HIVEP1: variants seen among roughly 807,000 people sequenced by gnomAD.
The protein encoded by HIVEP1 is HIVEP zinc finger 1.
In HIVEP1, 36 loss-of-function variants were observed where a neutral mutation model predicts 180.0. The ratio of observed to expected loss-of-function variants is 0.20; its 90% CI spans 0.15 to 0.26. The LOEUF is 0.26. HIVEP1 is among the 10% of genes least tolerant of loss of function. The pLI is 1.00. For synonymous variants in HIVEP1, 1,239 were observed against 1,239.0 expected, an observed-to-expected ratio of 1.00 and a Z score of 0.00; for missense variants, 3,143 against 3,268.7, an observed-to-expected ratio of 0.96 and a Z score of 0.94.
At chr6:12,015,310 A>G (rs749946691) in intron 1 of HIVEP1, among the ~76,000 whole-genome samples, 4 of 152,230 alleles carry the variant, frequency 2.6e-5, no homozygotes, top group Non-Finnish European at 4.4e-5. Context: ...CTTGTCTGAT[A>G]AAGATACGGT....
At chr6:12,204,792 CTTATA>C in the HIVEP1 span, among the ~76,000 whole-genome samples, 1 of 152,188 alleles carries the variant, frequency 6.6e-6, no homozygotes, top group Non-Finnish European at 1.5e-5. Context: ...TGTATTAAAA[CTTATA>C]TTATTCATGA....
At position 12,119,972 on chromosome 6, in the gene HIVEP1, G is replaced by GAA; in HGVS notation, c.183_184dup (p.Ile62LysfsTer7). 6.2e-7 allele frequency: 1 copy of GAA among 1,611,314 alleles called. No individual in the cohort carries two copies. The highest frequency in any genetic ancestry group is 8.5e-7 in the Non-Finnish European group (1 of 1,179,332). On this transcript the variant is annotated frameshift_variant, in exon 4 of 9. Transcript: ENST00000379388. LOFTEE classifies it high-confidence loss of function. ...AAAAGATCGTAGCTGAGAATCACCT[G>GAA]AAAAAAATACCAAAATCCCCACTGA... is the stretch of plus-strand genomic sequence containing the variant.
At chr6:12,182,748 G>A in the HIVEP1 span, among the ~76,000 whole-genome samples, 2 of 152,154 alleles carry the variant, frequency 1.3e-5, no homozygotes, top group Admixed American at 1.3e-4. Context: ...CATCAAAAGA[G>A]TCTTGCGAGG....
intron 1 of HIVEP1, among the ~76,000 whole-genome samples, chr6:12,014,647 G>A (rs1034462449): frequency 6.6e-6 from 1 of 152,194 alleles, no homozygotes; most frequent in Admixed American, 6.5e-5. Flanking sequence ...TCAGCTTTAA[G>A]ATCCTTGAGA....
At chr6:12,072,640 A>T (rs992586443) in intron 2 of HIVEP1, among the ~76,000 whole-genome samples, 1 of 151,158 alleles carries the variant, frequency 6.6e-6, no homozygotes, top group Non-Finnish European at 1.5e-5. Context: ...CAGTTTGTTC[A>T]TTTTTTTCAG....
intron 3 of HIVEP1, among the ~76,000 whole-genome samples, chr6:12,106,032 A>G (rs1454414556): frequency 6.6e-6 from 1 of 151,496 alleles, no homozygotes; most frequent in Non-Finnish European, 1.5e-5. Flanking sequence ...ATACACACAC[A>G]TATATACATA....
intron 3 of HIVEP1, among the ~76,000 whole-genome samples, chr6:12,090,367 A>C (rs1475379122): frequency 1.3e-5 from 2 of 152,152 alleles, no homozygotes. Context: ...TTTTAAATCT[A>C]GTTAGACTAC....
intron 2 of HIVEP1, among the ~76,000 whole-genome samples, chr6:12,022,061 C>T (rs1013411889): frequency 2.0e-5 from 3 of 152,178 alleles, no homozygotes; most frequent in African/African-American, 7.2e-5. Flanking sequence ...AATGCTTCTT[C>T]CAATATTTGG....
chr6:12,044,122 A>G (rs1185931086), intron 2 of HIVEP1, among the ~76,000 whole-genome samples: 2 of 152,146 alleles, frequency 1.3e-5, no homozygotes, highest in African/African-American at 4.8e-5. Context: ...TGTGGAGACC[A>G]CTATCTTAAA....
chr6:12,078,510 G>T (rs548285625), intron 2 of HIVEP1, among the ~76,000 whole-genome samples: 24 of 151,890 alleles, frequency 1.6e-4, no homozygotes, highest in African/African-American at 5.6e-4. Context: ...GAGCGGCTCG[G>T]ATTTGGAGAG....
At chr6:12,183,805 A>G in the HIVEP1 span, among the ~76,000 whole-genome samples, 1 of 152,210 alleles carries the variant, frequency 6.6e-6, no homozygotes, top group African/African-American at 2.4e-5. Flanking sequence ...GAGATACAAT[A>G]TACAAAAGCA....
rs774452902 is a variant in HIVEP1 at position 12,015,621 on chromosome 6, CAAA to C, written c.-7_-5del. 24 of 1,612,998 alleles carry C rather than the reference CAAA, an allele frequency of 1.5e-5. No homozygotes were observed. The highest frequency in any genetic ancestry group is 2.2e-5 in the East Asian group (1 of 44,816). On this transcript the variant is annotated 5_prime_UTR_variant, in exon 2 of 9. Coordinates refer to ENST00000379388, the MANE Select transcript of HIVEP1 (RefSeq NM_002114.4). ...TAAGAAGAAAAAGAAGGCCCTGAGT[CAAA>C]GAAGATGCCTCGAACTAAACAAATT...
the HIVEP1 span, among the ~76,000 whole-genome samples, chr6:12,180,041 G>T: frequency 6.6e-6 from 1 of 152,126 alleles, no homozygotes; most frequent in Non-Finnish European, 1.5e-5. Flanking sequence ...ATATTGAATA[G>T]CATTTGCAAA....
At chr6:12,046,751 C>A (rs1207226212) in intron 2 of HIVEP1, among the ~76,000 whole-genome samples, 1 of 151,364 alleles carries the variant, frequency 6.6e-6, no homozygotes, top group Non-Finnish European at 1.5e-5. Flanking sequence ...TGCACTTCAG[C>A]CTGGTGACAG....
chr6:12,123,123 A>G lies in HIVEP1; in HGVS notation c.3328A>G (p.Thr1110Ala). The G allele has an allele frequency of 6.2e-7, 1 of 1,614,172 alleles. No homozygotes were observed. Among genetic ancestry groups the G allele is most frequent in the Non-Finnish European group, 8.5e-7 (1 of 1,180,006 alleles). The change falls in exon 4 of 9, where the codon ACC (threonine) becomes GCC (alanine). Residue 1110 changes from threonine (T) to alanine (A), a missense_variant. By Grantham distance (58) the Thr-to-Ala change is moderately conservative. This residue lies in a region of HIVEP1 where 1,357 missense variants were observed against 1,260.5 expected (regional missense o/e 1.08). Transcript: ENST00000379388. ...PEQTMDPKLS[T>A]IMEQQISSAA... is the part of the protein sequence containing the mutation. ...GCAGACCATGGATCCCAAGCTGTCG[A>G]CCATCATGGAACAACAGATAAGTTC...
intron 2 of HIVEP1, among the ~76,000 whole-genome samples, chr6:12,022,226 A>G (rs113664746): frequency 3.3e-5 from 5 of 151,804 alleles, no homozygotes; most frequent in African/African-American, 1.2e-4. Context: ...GCTGGAGTGC[A>G]GTGGCACGAT....
chr6:12,132,786 G>A (rs1758496327), intron 6 of HIVEP1, among the ~76,000 whole-genome samples: 1 of 152,132 alleles, frequency 6.6e-6, no homozygotes, highest in Admixed American at 6.5e-5. Flanking sequence ...TCCTTGCTAA[G>A]GAGACTGGTG....
chr6:12,203,054 A>G, the HIVEP1 span, among the ~76,000 whole-genome samples: 1 of 152,258 alleles, frequency 6.6e-6, no homozygotes, highest in East Asian at 1.9e-4. Flanking sequence ...CAGTGATGTC[A>G]GACATCATTA....
chr6:12,165,131 G>A (rs746196969), downstream of HIVEP1: 5 of 513,552 alleles, frequency 9.7e-6, no homozygotes, highest in Non-Finnish European at 1.6e-5. Context: ...GACTTTACTC[G>A]CCTTTCTACC....
Sources: gnomAD v4.1 joint callset for allele counts (sites outside exome capture counted in the v4.1 genomes callset) on GRCh38, gnomAD v4.1.1 for gene constraint, gnomAD v4.1.1 regional missense constraint, MANE v1.5 for transcripts, NCBI Gene and HGNC (gene_info 2026-07-23, HGNC 2026-07-21) for gene names.